Variants in NXN observed in about 807,000 individuals in gnomAD.
NXN encodes the protein nucleoredoxin 1.
In NXN, 16 loss-of-function variants were observed where a neutral mutation model predicts 48.6. The observed-to-expected ratio is 0.33, with a 90% CI of 0.22 to 0.50. The LOEUF (loss-of-function observed/expected upper bound fraction) is 0.50, where lower values mean the gene tolerates loss of function less well. NXN is among the 20% of genes least tolerant of loss of function. NXN has a pLI of 0.98. For synonymous variants in NXN, 281 were observed against 269.6 expected (o/e 1.04, Z -0.41); for missense variants, 492 against 605.5 (o/e 0.81, Z 1.97).
intron 5 of NXN, among the ~76,000 whole-genome samples, chr17:807,773 C>G (rs1188030738): frequency 6.6e-6 from 1 of 152,266 alleles, no homozygotes; most frequent in Non-Finnish European, 1.5e-5. Flanking sequence ...GCCAGGCTGC[C>G]TCCCCTCAGC....
chr17:833,541 GA>G (rs1449105127), intron 1 of NXN, among the ~76,000 whole-genome samples: 1 of 152,154 alleles, frequency 6.6e-6, no homozygotes, highest in Non-Finnish European at 1.5e-5. Context: ...AAATGCCTCT[GA>G]AAACAGCGGT....
At chr17:813,197 GCA>G (rs970603265) in intron 5 of NXN, among the ~76,000 whole-genome samples, 1 of 152,246 alleles carries the variant, frequency 6.6e-6, no homozygotes, top group Non-Finnish European at 1.5e-5. Context: ...ATGAACGAAT[GCA>G]CAGTTCCTTC....
chr17:895,804 G>GACAGAGCGAGACTCCA (rs1340225558), intron 1 of NXN, among the ~76,000 whole-genome samples: 2 of 1,808 alleles, frequency 1.1e-3, no homozygotes, highest in Non-Finnish European at 3.0e-3. Context: ...GGTTTTGTTT[G>GACAGAGCGAGACTCCA]TCTCAAAAAC....
chr17:881,651 T>G (rs1258730011), intron 1 of NXN, among the ~76,000 whole-genome samples: 4 of 152,220 alleles, frequency 2.6e-5, no homozygotes. Context: ...AAGATAATTT[T>G]TTTAAGTCCA....
chr17:803,639 C>G lies in NXN; in HGVS notation c.1125+43G>C, dbSNP rs201477489. On this transcript the variant is annotated intron_variant, in intron 7 of 7. Coordinates refer to ENST00000336868, the MANE Select transcript of NXN (RefSeq NM_022463.5). ...CAGGATCAGTCCTGTGCCAGAAGTC[C>G]CAGCTGAGCCAGCCCTGGGCCAAGC... The G allele has an allele frequency of 5.0e-6, 8 of 1,613,072 alleles. No individual in the cohort carries two copies. In the African/African-American group the frequency reaches 1.1e-4, roughly 21 times the overall value.
intron 1 of NXN, among the ~76,000 whole-genome samples, chr17:926,397 G>A (rs2068799453): frequency 1.3e-5 from 2 of 152,126 alleles, no homozygotes; most frequent in South Asian, 4.1e-4. Flanking sequence ...ATGTTACCCA[G>A]GCAGGTCTCG....
In NXN at chr17:816,024, G is replaced by T. The variant is rs73975543; in HGVS notation, c.820+3415C>A. Among the ~76,000 whole-genome samples the T allele has an allele frequency of 7.9e-3, 1,199 of 152,286 alleles. 16 individuals are homozygous for T. The highest frequency in any genetic ancestry group is 0.028 in the African/African-American group (1,144 of 41,572). Reference sequence around the variant, plus strand: ...GAAGAAACCCAGGATATCTCTGTATGGAGAAAGGATGGAAAATCCACAGCC... The same window carrying T: ...GAAGAAACCCAGGATATCTCTGTATTGAGAAAGGATGGAAAATCCACAGCC... On this transcript the variant is annotated intron_variant, in intron 5 of 7. Coordinates refer to ENST00000336868, the MANE Select transcript of NXN (RefSeq NM_022463.5).
At chr17:979,146 C>G (rs1190348226) in intron 1 of NXN, among the ~76,000 whole-genome samples, 173 bp downstream of exon 1, 2 of 65,118 alleles carry the variant, frequency 3.1e-5, no homozygotes, top group Non-Finnish European at 5.7e-5. Flanking sequence ...GGGTGGGGGG[C>G]GGGGAGAGGA....
chr17:809,288 A>G (rs1911772182), intron 5 of NXN, among the ~76,000 whole-genome samples: 1 of 152,208 alleles, frequency 6.6e-6, no homozygotes, highest in South Asian at 2.1e-4. Flanking sequence ...CTGTGACATG[A>G]GTGGCGCCTA....
chr17:862,355 C>T (rs553265790), intron 1 of NXN, among the ~76,000 whole-genome samples: 19 of 152,248 alleles, frequency 1.2e-4, no homozygotes, highest in African/African-American at 4.6e-4. Context: ...ATCTCAAAAA[C>T]ATAAACATAA....
chr17:833,813 G>C (rs934683295), intron 1 of NXN, among the ~76,000 whole-genome samples: 3 of 152,076 alleles, frequency 2.0e-5, no homozygotes, highest in African/African-American at 7.2e-5. Context: ...TCTGTATCCT[G>C]CTGTAAACAT....
At position 805,098 on chromosome 17, in the gene NXN, T is replaced by G; in HGVS notation, c.970A>C (p.Asn324His). The change falls in exon 6 of 8, where the codon AAC (asparagine) becomes CAC (histidine). Residue 324 changes from asparagine (N) to histidine (H), a missense_variant. This residue lies in a region of NXN where 303 missense variants were observed against 388.3 expected (regional missense o/e 0.78). Transcript: ENST00000336868. ...ELSDSNAAQLNEGPCLVLFVD... is the reference protein window; with the variant it reads ...ELSDSNAAQLHEGPCLVLFVD... ...AAAAGGACGAGGCAGGGGCCCTCGT[T>G]AAGCTGCGCGGCGTTGGAGTCGGAG... 1 of 1,608,130 alleles carries G rather than the reference T, an allele frequency of 6.2e-7. No homozygotes were observed. The highest frequency in any genetic ancestry group is 1.1e-5 in the South Asian group (1 of 89,958).
chr17:818,222 C>A (rs1204202461), intron 5 of NXN, among the ~76,000 whole-genome samples: 2 of 152,138 alleles, frequency 1.3e-5, no homozygotes, highest in Non-Finnish European at 2.9e-5. Context: ...GATCACGCCA[C>A]TGCACTCCAG....
intron 1 of NXN, among the ~76,000 whole-genome samples, chr17:867,429 T>C (rs2068105647): frequency 6.6e-6 from 1 of 152,238 alleles, no homozygotes. Flanking sequence ...TGCCAGTCCC[T>C]TAAGATTATG....
chr17:838,870 C>T (rs947635970), intron 1 of NXN, among the ~76,000 whole-genome samples: 1 of 152,216 alleles, frequency 6.6e-6, no homozygotes, highest in Non-Finnish European at 1.5e-5. Context: ...TGAGTTTGGT[C>T]CTCACTGGTC....
intron 1 of NXN, among the ~76,000 whole-genome samples, 183 bp from the exon 2 acceptor site, chr17:826,261 C>T (rs1258468289): frequency 6.6e-6 from 1 of 151,932 alleles, no homozygotes; most frequent in Non-Finnish European, 1.5e-5. Flanking sequence ...CCCACTGCCC[C>T]CCGGGGTCTG....
At chr17:881,215 TCTCACA>T (rs2068280391) in intron 1 of NXN, among the ~76,000 whole-genome samples, 1 of 152,098 alleles carries the variant, frequency 6.6e-6, no homozygotes, top group African/African-American at 2.4e-5. Context: ...CAAGTGCGAG[TCTCACA>T]CTCCGCTGCC....
chr17:969,279 TAG>T (rs1438500294), intron 1 of NXN, among the ~76,000 whole-genome samples: 1 of 152,092 alleles, frequency 6.6e-6, no homozygotes, highest in Admixed American at 6.6e-5. Flanking sequence ...ACCAGGAAAC[TAG>T]AGACACAGAA....
At chr17:896,915 C>G (rs760345750) in intron 1 of NXN, 1 of 1,252,458 alleles carries the variant, frequency 8.0e-7, no homozygotes, top group South Asian at 1.3e-5. Flanking sequence ...ATATCACACA[C>G]AATATTCTTC....
Sources: allele counts gnomAD v4.1 joint callset (sites outside exome capture counted in the v4.1 genomes callset), GRCh38; gene constraint gnomAD v4.1.1; regional missense constraint gnomAD v4.1.1; transcripts MANE v1.5; gene names NCBI Gene and HGNC (gene_info 2026-07-23, HGNC 2026-07-21).